Variants in DDHD2 observed in about 807,000 individuals in gnomAD.
The protein encoded by DDHD2 is DDHD domain containing 2.
In DDHD2, 62 loss-of-function variants were observed where a neutral mutation model predicts 91.2. The observed-to-expected ratio is 0.68, with a 90% confidence interval of 0.55 to 0.84. DDHD2 has a LOEUF of 0.84. Among genes scored for constraint, DDHD2 ranks in the 40% least tolerant of loss-of-function variants. The pLI is 0.00. For missense variants in DDHD2, 740 were observed against 846.9 expected (o/e 0.87, Z 1.57); for synonymous variants, 271 against 293.9 (o/e 0.92, Z 0.80).
chr8:38,242,445 A>G lies in DDHD2; in HGVS notation c.848+60A>G, dbSNP rs1171936323. 3.9e-6 allele frequency: 6 copies of G among 1,551,136 alleles called. No homozygotes were observed. The East Asian group carries it at 6.8e-5, about 18-fold the overall frequency. On this transcript the variant is annotated intron_variant, in intron 7 of 17. Transcript: ENST00000397166. ...GTGATTATATTTTCTGATCATTGCT[A>G]TGCTTGGGGACGTTTTTATGCTATA... is the stretch of plus-strand genomic sequence containing the variant.
chr8:38,232,785 G>A (rs903133492), intron 1 of DDHD2, among the ~76,000 whole-genome samples: 1 of 152,172 alleles, frequency 6.6e-6, no homozygotes. Flanking sequence ...TCTGTGCAAT[G>A]GTTGATCTAA....
intron 16 of DDHD2, among the ~76,000 whole-genome samples, chr8:38,258,220 A>G (rs1160639010): frequency 6.6e-6 from 1 of 151,722 alleles, no homozygotes. Context: ...AACACTATTA[A>G]TAGATTTGAG....
rs370899112 is a variant in DDHD2, at chr8:38,246,320, A to C, written c.1125+20A>C. On this transcript the variant is annotated intron_variant, in intron 9 of 17. Transcript: ENST00000397166. ...GAAAAGGTAATTTAGATGTTCAGCT[A>C]GGTTTTCTTGTAGTTTTCCTTAGTA... 4.9e-5 allele frequency: 77 copies of C among 1,579,542 alleles called. No individual in the cohort carries two copies. The highest frequency in any genetic ancestry group is 6.2e-5 in the Non-Finnish European group (71 of 1,154,128).
At chr8:38,242,171 T>C (rs1805313572) in intron 6 of DDHD2, 79 bp from the exon 7 acceptor site, 1 of 1,152,044 alleles carries the variant, frequency 8.7e-7, no homozygotes, top group African/African-American at 1.6e-5. Context: ...AGTTAGAGTA[T>C]AATTACATGA....
intron 1 of DDHD2, chr8:38,267,894 T>C: frequency 6.2e-7 from 1 of 1,613,950 alleles, no homozygotes; most frequent in Non-Finnish European, 8.5e-7. Flanking sequence ...TGTTGTCACT[T>C]ACCTCCCTAC....
In DDHD2 at chr8:38,234,400, G is replaced by A. The variant is rs150361106; in HGVS notation, c.227G>A (p.Gly76Asp). The change falls in exon 3 of 18, where the codon GGT becomes GAT. Residue 76 changes from glycine (G) to aspartate (D), a missense_variant. Physicochemically the swap from Gly to Asp is moderately conservative, Grantham distance 94. This residue lies in a region of DDHD2 where 693 missense variants were observed against 764.2 expected (regional missense o/e 0.91). Coordinates refer to ENST00000397166, the MANE Select transcript of DDHD2 (RefSeq NM_015214.3). ...CCTTTTCAATCCTTGAAAGGAAAAGGTTGTAATGGGAGAGTTGTTCCTACT... is the reference window on the plus strand; with the variant it reads ...CCTTTTCAATCCTTGAAAGGAAAAGATTGTAATGGGAGAGTTGTTCCTACT... ...QLEEAYSSGK[G>D]CNGRVVPTDG... The A allele has an allele frequency of 8.5e-4, 1,334 of 1,577,418 alleles. 4 individuals are homozygous for A. The African/African-American group carries it at 9.0e-3, about 11-fold the overall frequency.
rs1324310319 is a variant in DDHD2 at position 38,251,830 on chromosome 8, A to ACCTC, written c.1345-81_1345-78dup. 19 of 931,168 alleles carry ACCTC rather than the reference A, an allele frequency of 2.0e-5. No homozygotes were observed. In the East Asian group the frequency reaches 3.2e-4, roughly 16 times the overall value. 57.7% of individuals were successfully genotyped at this position (931,168 alleles called of 1,614,324 possible). ...CTTAAACAATCCTACCTACCTACCT[A>ACCTC]CCTCAGGGTCCTGAGTAGCTGGGAC... On this transcript the variant is annotated intron_variant, in intron 11 of 17. Coordinates refer to ENST00000397166, the MANE Select transcript of DDHD2 (RefSeq NM_015214.3).
chr8:38,249,058 A>G (rs1348730390), intron 10 of DDHD2, among the ~76,000 whole-genome samples: 1 of 151,994 alleles, frequency 6.6e-6, no homozygotes, highest in East Asian at 1.9e-4. Flanking sequence ...CAGGAGTATA[A>G]TCCTTCTCAG....
At chr8:38,268,904 T>C (rs780092315) in intron 1 of DDHD2, 1 of 1,554,714 alleles carries the variant, frequency 6.4e-7, no homozygotes, top group African/African-American at 1.4e-5. Flanking sequence ...GGTGGGGAAA[T>C]ACTCCGCCTC....
rs1807047951 is a variant in DDHD2, at chr8:38,261,752, A to G, written c.*1179A>G. On this transcript the variant is annotated 3_prime_UTR_variant, in exon 18 of 18. Coordinates refer to ENST00000397166, the MANE Select transcript of DDHD2 (RefSeq NM_015214.3). The stretch of plus-strand genomic sequence containing the variant: ...CTAAGAACACAAGTGACTGCACACT[A>G]ATTTTGTCAAGGCATCTTTTCACTA... The G allele has an allele frequency of 6.6e-6, 1 of 152,146 alleles. No individual in the cohort carries two copies. Among genetic ancestry groups the G allele is most frequent in the Admixed American group, 6.6e-5 (1 of 15,258 alleles). 9.4% of individuals were successfully genotyped at this position (152,146 alleles called of 1,614,324 possible).
intron 12 of DDHD2, 27 bp downstream of exon 12, chr8:38,252,055 C>T: frequency 1.2e-6 from 2 of 1,611,778 alleles, no homozygotes; most frequent in South Asian, 1.1e-5. Context: ...GATCATTTTA[C>T]AGCCTGCTAT....
chr8:38,272,720 GAATA>G (rs1808512765), downstream of DDHD2: 1 of 152,148 alleles, frequency 6.6e-6, no homozygotes. Context: ...TGTTGGACAA[GAATA>G]AAAACCAGCC....
rs189360898 is a variant in DDHD2, at chr8:38,252,830, T to A, written c.1720+6T>A. 5.6e-5 allele frequency: 90 copies of A among 1,613,568 alleles called. No homozygotes were observed. In the African/African-American group the frequency reaches 9.2e-4, roughly 16 times the overall value. On this transcript the variant is annotated splice_donor_region_variant and intron_variant, in intron 14 of 17. Coordinates refer to ENST00000397166, the MANE Select transcript of DDHD2 (RefSeq NM_015214.3). ...CAGGAAGCGGATGCACTTAGGTAAG[T>A]CCGAGCATAGAACTTGATAATTCTA...
intron 16 of DDHD2, among the ~76,000 whole-genome samples, chr8:38,259,307 G>GCCT (rs1003485279): frequency 6.7e-6 from 1 of 149,868 alleles, no homozygotes; most frequent in African/African-American, 2.5e-5. Context: ...TGCAACCTTT[G>GCCT]CCTCCTCGGT....
downstream of DDHD2, chr8:38,264,440 A>G: frequency 6.5e-7 from 1 of 1,544,792 alleles, no homozygotes; most frequent in South Asian, 1.2e-5. Context: ...GCCAGATTCA[A>G]TTTTTAAATA....
intron 6 of DDHD2, among the ~76,000 whole-genome samples, chr8:38,241,308 C>T (rs1288370203): frequency 6.6e-6 from 1 of 150,986 alleles, no homozygotes; most frequent in Non-Finnish European, 1.5e-5. Flanking sequence ...AACTGCAAGA[C>T]TGTTGTTATA....
intron 3 of DDHD2, among the ~76,000 whole-genome samples, chr8:38,234,930 G>T (rs1223972791): frequency 6.6e-6 from 1 of 151,956 alleles, no homozygotes; most frequent in Non-Finnish European, 1.5e-5. Flanking sequence ...ACCACACCTG[G>T]CTAATTTTTT....
rs563266803 is a variant in DDHD2 at position 38,252,791 on chromosome 8, C to T, written c.1687C>T (p.Pro563Ser). 1.7e-5 allele frequency: 27 copies of T among 1,613,944 alleles called. No homozygotes were observed. The highest frequency in any genetic ancestry group is 2.2e-5 in the Non-Finnish European group (26 of 1,180,022). Residue 563 changes from proline to serine, a missense_variant, in exon 14 of 18, where the codon CCA (proline) becomes TCA (serine). Pro to Ser is a moderately conservative substitution (Grantham distance 74). Transcript: ENST00000397166. ...PGVEFEPMLI[P>S]HHKGRKRMHL... ...AGTGGAATTTGAGCCAATGCTGATC[C>T]CACATCATAAAGGCAGGAAGCGGAT...
chr8:38,238,056 A>G, intron 4 of DDHD2, 33 bp from the exon 5 acceptor site: 1 of 1,559,738 alleles, frequency 6.4e-7, no homozygotes, highest in Non-Finnish European at 8.6e-7. Context: ...GTATTGCAGA[A>G]TATTTTTATT....
Sources: allele counts gnomAD v4.1 joint callset (sites outside exome capture counted in the v4.1 genomes callset), GRCh38; gene constraint gnomAD v4.1.1; regional missense constraint gnomAD v4.1.1; transcripts MANE v1.5; gene names NCBI Gene and HGNC (gene_info 2026-07-23, HGNC 2026-07-21).